MAF: variants seen among roughly 807,000 people sequenced by gnomAD.
MAF encodes the protein MAF bZIP transcription factor, also known as transcription factor Maf.
In MAF, 10 loss-of-function variants were observed where a neutral mutation model predicts 22.0. The ratio of observed to expected loss-of-function variants is 0.45; its 90% CI spans 0.28 to 0.77. The LOEUF (loss-of-function observed/expected upper bound fraction) is 0.77. MAF is among the 30% of genes least tolerant of loss of function. MAF has a pLI of 0.12. For synonymous variants in MAF, 337 were observed against 255.8 expected, an observed-to-expected ratio of 1.32 and a Z score of -3.03; for missense variants, 544 against 548.4, an observed-to-expected ratio of 0.99 and a Z score of 0.08.
At chr16:79,453,995 C>T in the MAF span, among the ~76,000 whole-genome samples, 2 of 152,058 alleles carry the variant, frequency 1.3e-5, no homozygotes, top group African/African-American at 2.4e-5. Context: ...TAATAACTCA[C>T]CATAATTAGG....
At chr16:79,356,902 G>C in the MAF span, among the ~76,000 whole-genome samples, 106 of 152,130 alleles carry the variant, frequency 7.0e-4, no homozygotes, top group East Asian at 3.9e-3. Context: ...TGTAGTCCAG[G>C]CTGGGTTTAT....
At chr16:79,265,825 T>C in the MAF span, among the ~76,000 whole-genome samples, 1 of 152,192 alleles carries the variant, frequency 6.6e-6, no homozygotes, top group East Asian at 1.9e-4. Flanking sequence ...TCTAGTTCTT[T>C]GGGGCTACTA....
chr16:79,213,604 C>T, the MAF span, among the ~76,000 whole-genome samples: 1 of 152,162 alleles, frequency 6.6e-6, no homozygotes, highest in African/African-American at 2.4e-5. Flanking sequence ...TGGAACCCTG[C>T]AACTTCCATC....
At chr16:79,256,492 C>G in the MAF span, among the ~76,000 whole-genome samples, 3 of 152,196 alleles carry the variant, frequency 2.0e-5, no homozygotes, top group African/African-American at 7.2e-5. Context: ...ATTCAGTGTT[C>G]TCTCTGCTAT....
At chr16:79,519,231 C>G in the MAF span, among the ~76,000 whole-genome samples, 1 of 152,050 alleles carries the variant, frequency 6.6e-6, no homozygotes, top group Non-Finnish European at 1.5e-5. Flanking sequence ...ACTCTGAGCT[C>G]GGGATACCCA....
At chr16:79,283,427 G>C in the MAF span, among the ~76,000 whole-genome samples, 115 of 152,272 alleles carry the variant, frequency 7.6e-4, no homozygotes, top group African/African-American at 2.6e-3. Context: ...TCATTCTAGA[G>C]CAGTGTAAGC....
At chr16:79,259,989 G>A in the MAF span, among the ~76,000 whole-genome samples, 1 of 152,194 alleles carries the variant, frequency 6.6e-6, no homozygotes, top group African/African-American at 2.4e-5. Context: ...ACAGCACAGT[G>A]CATAGTGGGA....
the MAF span, among the ~76,000 whole-genome samples, chr16:79,245,476 T>C: frequency 9.9e-5 from 15 of 152,184 alleles, no homozygotes; most frequent in African/African-American, 3.1e-4. Flanking sequence ...TCACTGGTCA[T>C]TAGAGAAATG....
chr16:79,294,705 G>C, the MAF span, among the ~76,000 whole-genome samples: 1 of 152,204 alleles, frequency 6.6e-6, no homozygotes, highest in African/African-American at 2.4e-5. Flanking sequence ...TATCATGCTA[G>C]ATAGTGGGAG....
At chr16:79,552,263 G>C in the MAF span, among the ~76,000 whole-genome samples, 1 of 151,782 alleles carries the variant, frequency 6.6e-6, no homozygotes, top group Non-Finnish European at 1.5e-5. Flanking sequence ...ACCCAGATTG[G>C]AGTGCAGTTC....
chr16:79,311,297 C>A, the MAF span, among the ~76,000 whole-genome samples: 2 of 152,070 alleles, frequency 1.3e-5, no homozygotes, highest in Non-Finnish European at 2.9e-5. Flanking sequence ...TGAGTTTGCA[C>A]CTTCTGGCTC....
At chr16:79,216,804 T>G in the MAF span, among the ~76,000 whole-genome samples, 2 of 151,794 alleles carry the variant, frequency 1.3e-5, no homozygotes, top group Non-Finnish European at 2.9e-5. Context: ...TCCTACTCTA[T>G]CTGCTACTTT....
chr16:79,531,029 C>T, the MAF span, among the ~76,000 whole-genome samples: 606 of 152,244 alleles, frequency 4.0e-3, 1 homozygote, highest in South Asian at 9.8e-3. Flanking sequence ...GTCGCCATTC[C>T]CCAAGCTCTA....
the MAF span, among the ~76,000 whole-genome samples, chr16:79,469,484 T>C: frequency 6.6e-6 from 1 of 152,306 alleles, no homozygotes; most frequent in East Asian, 1.9e-4. Context: ...GATGATAAAA[T>C]TGTCTACTTC....
At chr16:79,273,949 C>CTTTTTTTTTTTTTT in the MAF span, among the ~76,000 whole-genome samples, 1 of 86,458 alleles carries the variant, frequency 1.2e-5, no homozygotes, top group Non-Finnish European at 2.2e-5. Context: ...TCGTGTCTGC[C>CTTTTTTTTTTTTTT]TTTTTTTTTT....
chr16:79,335,557 T>C, the MAF span, among the ~76,000 whole-genome samples: 5 of 152,250 alleles, frequency 3.3e-5, no homozygotes, highest in South Asian at 1.0e-3. Context: ...AGCTGGACTT[T>C]CCAGAGGCAG....
chr16:79,380,664 T>C, the MAF span, among the ~76,000 whole-genome samples: 5 of 152,224 alleles, frequency 3.3e-5, no homozygotes, highest in East Asian at 9.6e-4. Context: ...TCTCTGACGA[T>C]GATCAGTAGT....
At chr16:79,230,338 G>A in the MAF span, among the ~76,000 whole-genome samples, 1 of 152,158 alleles carries the variant, frequency 6.6e-6, no homozygotes, top group Non-Finnish European at 1.5e-5. Context: ...TACAGGAGGT[G>A]TGACCAATAG....
At chr16:79,311,415 A>C in the MAF span, among the ~76,000 whole-genome samples, 2 of 151,842 alleles carry the variant, frequency 1.3e-5, no homozygotes, top group Non-Finnish European at 2.9e-5. Context: ...TGAGTTTTCC[A>C]GAGCTGTTTG....
Sources: gnomAD v4.1 joint callset for allele counts (sites outside exome capture counted in the v4.1 genomes callset) on GRCh38, gnomAD v4.1.1 for gene constraint, MANE v1.5 for transcripts, NCBI Gene and HGNC (gene_info 2026-07-23, HGNC 2026-07-21) for gene names.